Variants in ZNF324B observed in about 807,000 individuals in gnomAD.
ZNF324B encodes zinc finger protein 324B.
ZNF324B carries 7 observed loss-of-function variants against 10.6 expected under a neutral mutation model. That is an observed-to-expected ratio of 0.66 (90% CI 0.38 to 1.24). The LOEUF (loss-of-function observed/expected upper bound fraction) is 1.24. Ranked by LOEUF, ZNF324B falls within the 50% of genes most tolerant of loss-of-function variation. The probability of loss-of-function intolerance (pLI) is 0.02; values close to 1 mark genes in which losing one functional copy is unlikely to be tolerated. For missense variants in ZNF324B, 640 were observed against 764.7 expected, an observed-to-expected ratio of 0.84 and a Z score of 1.92; for synonymous variants, 316 against 321.0, an observed-to-expected ratio of 0.98 and a Z score of 0.17.
chr19:58,423,710 A>G, the ZNF324B span, among the ~76,000 whole-genome samples: 1 of 152,188 alleles, frequency 6.6e-6, no homozygotes, highest in African/African-American at 2.4e-5. Flanking sequence ...TGGTATTGGT[A>G]TAATAGTCAC....
At chr19:58,450,216 C>G (rs1161049135), upstream of ZNF324B, among the ~76,000 whole-genome samples, 1 of 152,124 alleles carries the variant, frequency 6.6e-6, no homozygotes, top group Non-Finnish European at 1.5e-5. Flanking sequence ...ATTGTGAGGC[C>G]TCTCCAGCCA....
the ZNF324B span, among the ~76,000 whole-genome samples, chr19:58,446,522 A>G: frequency 6.7e-6 from 1 of 150,364 alleles, no homozygotes; most frequent in Non-Finnish European, 1.5e-5. Context: ...GGGGTTTGAC[A>G]TGGACATGAC....
At chr19:58,432,544 G>A in the ZNF324B span, among the ~76,000 whole-genome samples, 2 of 152,188 alleles carry the variant, frequency 1.3e-5, no homozygotes, top group Admixed American at 6.5e-5. Flanking sequence ...TGGTGACCCT[G>A]TGACTATTTT....
chr19:58,434,255 G>T, the ZNF324B span: 1 of 1,614,144 alleles, frequency 6.2e-7, no homozygotes, highest in East Asian at 2.2e-5. Flanking sequence ...ACCTGTGTGT[G>T]AACTTTCTGA....
chr19:58,450,521 A>C (rs182353313), upstream of ZNF324B, among the ~76,000 whole-genome samples: 3 of 152,314 alleles, frequency 2.0e-5, no homozygotes, highest in East Asian at 5.8e-4. Flanking sequence ...AATGCCTCTA[A>C]GCATTTGATT....
chr19:58,450,464 C>CAAAAAA (rs35336344), upstream of ZNF324B, among the ~76,000 whole-genome samples: 1 of 104,884 alleles, frequency 9.5e-6, no homozygotes. Flanking sequence ...GACCCTGTCT[C>CAAAAAA]AAAAAAAAAA....
rs1050041758 is a variant in ZNF324B at position 58,456,810 on chromosome 19, G to A, written c.*231G>A. The stretch of plus-strand genomic sequence containing the variant: ...AGGTAACACTGCAGAAACATCAGAG[G>A]GAGGACATGTCAGCTGGAACTCTGG... On this transcript the variant is annotated 3_prime_UTR_variant, in exon 4 of 4. Transcript: ENST00000336614. This position sits in a 1 kb window ranked among gnomAD's most constrained non-coding sequence, Gnocchi z 4.7. 31 of 601,776 alleles carry A rather than the reference G, an allele frequency of 5.2e-5. No individual in the cohort carries two copies. In the Middle Eastern group the frequency reaches 1.3e-3, roughly 26 times the overall value. 37.3% of individuals were successfully genotyped at this position (601,776 alleles called of 1,614,324 possible). A position where few individuals can be genotyped will look rare whatever the true frequency, so the allele number is the denominator to read the frequency against.
the ZNF324B span, chr19:58,433,907 T>C: frequency 1.2e-6 from 2 of 1,614,078 alleles, no homozygotes; most frequent in African/African-American, 2.7e-5. Context: ...TCATAAGGCC[T>C]TTGCCCAGTA....
Position 58,457,820 on chromosome 19 carries a change from T to C in ZNF324B, c.*1241T>C, listed in dbSNP as rs1599987829. The stretch of plus-strand genomic sequence containing the variant: ...ACTAGTATTTGCAACTTCAAATAGA[T>C]GTAGTTTCCTTTACAGCCGTGTGGA... On this transcript the variant is annotated 3_prime_UTR_variant, in exon 4 of 4. Coordinates refer to ENST00000336614, the MANE Select transcript of ZNF324B (RefSeq NM_207395.3). 1 of 152,212 alleles carries C rather than the reference T, an allele frequency of 6.6e-6. No homozygotes were observed. The highest frequency in any genetic ancestry group is 6.5e-5 in the Admixed American group (1 of 15,280). 9.4% of individuals were successfully genotyped at this position (152,212 alleles called of 1,614,324 possible).
the ZNF324B span, chr19:58,435,055 G>A: frequency 1.9e-6 from 3 of 1,614,146 alleles, no homozygotes; most frequent in Non-Finnish European, 2.5e-6. Flanking sequence ...CTGATGCTCA[G>A]CCAGGTGCAA....
the ZNF324B span, chr19:58,430,589 G>C: frequency 6.6e-6 from 1 of 152,250 alleles, no homozygotes. Context: ...CATTTGTAAT[G>C]CCTTTTTCCC....
At chr19:58,426,150 C>T in the ZNF324B span, among the ~76,000 whole-genome samples, 387 of 152,252 alleles carry the variant, frequency 2.5e-3, 6 homozygotes, top group African/African-American at 8.9e-3. Flanking sequence ...ATCAAACAAT[C>T]GAAGCTTGGC....
Position 58,455,039 on chromosome 19 carries a change from C to G in ZNF324B, c.239-144C>G. ...GCAGATGCTTCCTCCAAACCCCAGC[C>G]CCTCCTGCAGAGCCAGCCTCACCTC... On this transcript the variant is annotated intron_variant, in intron 3 of 3. Coordinates refer to ENST00000336614, the MANE Select transcript of ZNF324B (RefSeq NM_207395.3). This position sits in a 1 kb window ranked among gnomAD's most constrained non-coding sequence, Gnocchi z 7.0. 8.9e-7 allele frequency: 1 copy of G among 1,125,270 alleles called. No individual in the cohort carries two copies. The highest frequency in any genetic ancestry group is 1.3e-6 in the Non-Finnish European group (1 of 752,142). The allele number at this position is 1,125,270 out of a possible 1,614,324, so 69.7% of individuals were successfully genotyped here.
the ZNF324B span, among the ~76,000 whole-genome samples, chr19:58,420,013 G>T: frequency 6.6e-6 from 1 of 152,178 alleles, no homozygotes; most frequent in East Asian, 1.9e-4. Context: ...TGGGCGTGGT[G>T]GTCGATGCAT....
In ZNF324B at chr19:58,456,042, G is replaced by A. The variant is rs774420472; in HGVS notation, c.1098G>A (p.Gly366=). 4.4e-6 allele frequency: 7 copies of A among 1,605,400 alleles called. No individual in the cohort carries two copies. The East Asian group carries it at 9.0e-5, about 21-fold the overall frequency. ...LSQHRKIHAG[G]RPYACAQCGR... ...AGCACCGCAAGATCCACGCGGGTGG[G>A]CGTCCTTATGCTTGCGCACAGTGTG... is the stretch of plus-strand genomic sequence containing the variant. The change falls in exon 4 of 4, where the codon GGG becomes GGA. Residue 366 remains glycine, a synonymous_variant. Coordinates refer to ENST00000336614, the MANE Select transcript of ZNF324B (RefSeq NM_207395.3). This position sits in a 1 kb window ranked among gnomAD's most constrained non-coding sequence, Gnocchi z 4.7.
chr19:58,451,386 T>C (rs974578726), upstream of ZNF324B, among the ~76,000 whole-genome samples: 2 of 152,238 alleles, frequency 1.3e-5, no homozygotes, highest in Non-Finnish European at 2.9e-5. Flanking sequence ...CGGGACAACC[T>C]GCCGGGCGAC....
intron 3 of ZNF324B, 197 bp from the exon 4 acceptor site, chr19:58,454,986 C>T: frequency 1.3e-6 from 1 of 771,730 alleles, no homozygotes; most frequent in Non-Finnish European, 2.2e-6. Flanking sequence ...TGGGAGTCCC[C>T]ACTGCAGTCA....
At position 58,451,680 on chromosome 19, in the gene ZNF324B, G is replaced by T. The variant is rs116959667; in HGVS notation, c.-31G>T. ...GGTCTGGGCTGTGGCGCGCGGGTCG[G>T]GGCCCGAGGCGGGCGGCCAGGAAGG... On this transcript the variant is annotated 5_prime_UTR_variant, in exon 1 of 4. Transcript: ENST00000336614. 24,545 of 502,788 alleles carry T rather than the reference G, an allele frequency of 0.049. 780 individuals are homozygous for T. The highest frequency in any genetic ancestry group is 0.071 in the Non-Finnish European group (18,080 of 253,344). 31.1% of individuals were successfully genotyped at this position (502,788 alleles called of 1,614,324 possible).
chr19:58,435,050 G>A, the ZNF324B span: 2 of 1,614,144 alleles, frequency 1.2e-6, no homozygotes, highest in Non-Finnish European at 1.7e-6. Context: ...GTTCCCTGAT[G>A]CTCAGCCAGG....
Sources: allele counts gnomAD v4.1 joint callset (sites outside exome capture counted in the v4.1 genomes callset), GRCh38; gene constraint gnomAD v4.1.1; non-coding constraint Gnocchi (gnomAD v3.1); transcripts MANE v1.5; gene names NCBI Gene and HGNC (gene_info 2026-07-23, HGNC 2026-07-21).